Variants in WWOX observed in about 807,000 individuals in gnomAD.
WWOX encodes the protein WW domain containing oxidoreductase.
A neutral mutation model predicts 46.2 loss-of-function variants in WWOX; 69 were observed. The ratio of observed to expected loss-of-function variants is 1.49; its 90% CI spans 1.23 to 1.82. The LOEUF is 1.82. WWOX is among the 40% of genes most tolerant of loss of function. The probability of loss-of-function intolerance (pLI) is 0.00; values close to 1 mark genes in which losing one functional copy is unlikely to be tolerated. For synonymous variants in WWOX, 359 were observed against 202.6 expected, an observed-to-expected ratio of 1.77 and a Z score of -6.56; for missense variants, 919 against 542.6, an observed-to-expected ratio of 1.69 and a Z score of -6.89.
intron 5 of WWOX, among the ~76,000 whole-genome samples, chr16:78,225,560 C>G (rs1186659846): frequency 6.6e-6 from 1 of 152,114 alleles, no homozygotes; most frequent in Non-Finnish European, 1.5e-5. Context: ...ATATGTCTTA[C>G]TGGTTGAACG....
At chr16:78,307,023 A>G (rs1312771803) in intron 5 of WWOX, among the ~76,000 whole-genome samples, 2 of 152,080 alleles carry the variant, frequency 1.3e-5, no homozygotes, top group Non-Finnish European at 1.5e-5. Flanking sequence ...TCTCCATTAT[A>G]TCTTTGTTAG....
intron 5 of WWOX, among the ~76,000 whole-genome samples, chr16:78,224,007 T>C (rs2151800340): frequency 6.6e-6 from 1 of 152,244 alleles, no homozygotes; most frequent in Admixed American, 6.5e-5. Context: ...ACTTTATCTT[T>C]CCTTCTTTTT....
chr16:78,802,940 A>C (rs1370007253), intron 8 of WWOX, among the ~76,000 whole-genome samples: 2 of 92,752 alleles, frequency 2.2e-5, no homozygotes, highest in Non-Finnish European at 4.3e-5. Flanking sequence ...AAAAAAAAAA[A>C]AACAACAAAC....
intron 8 of WWOX, among the ~76,000 whole-genome samples, chr16:78,595,380 G>A (rs967398454): frequency 5.3e-5 from 7 of 131,604 alleles, no homozygotes; most frequent in Admixed American, 1.7e-4. Context: ...AACCCTCCCC[G>A]CTGACAGCCA....
intron 8 of WWOX, among the ~76,000 whole-genome samples, chr16:79,012,588 G>A (rs2047333341): frequency 6.6e-6 from 1 of 152,138 alleles, no homozygotes; most frequent in South Asian, 2.1e-4. Context: ...ATCCACATAT[G>A]GCTGAGGGCT....
chr16:78,478,363 G>C (rs935459815), intron 8 of WWOX, among the ~76,000 whole-genome samples: 1 of 152,084 alleles, frequency 6.6e-6, no homozygotes, highest in Non-Finnish European at 1.5e-5. Flanking sequence ...AAATAACTGA[G>C]CTCATTTGAT....
intron 8 of WWOX, among the ~76,000 whole-genome samples, chr16:78,892,719 T>A (rs11647676): frequency 0.36 from 54,421 of 152,130 alleles, 10,720 homozygotes; most frequent in Non-Finnish European, 0.44. Context: ...ATTGTGATAC[T>A]ATAGGAGCCG....
chr16:78,316,187 A>C lies in WWOX; in HGVS notation c.517-70673A>C, dbSNP rs138329340. Reference sequence around the variant, plus strand: ...CTTGAACCTGGGAGGTGGAGGTTGCATTCAGTCGAGACCATGCTAGTGTAC... The same window carrying C: ...CTTGAACCTGGGAGGTGGAGGTTGCCTTCAGTCGAGACCATGCTAGTGTAC... On this transcript the variant is annotated intron_variant, in intron 5 of 8. Transcript: ENST00000566780. Among the ~76,000 whole-genome samples the C allele has an allele frequency of 8.1e-4, 123 of 152,138 alleles. 1 individual carries two copies. Among genetic ancestry groups the C allele is most frequent in the Middle Eastern group, 3.4e-3 (1 of 294 alleles).
intron 8 of WWOX, among the ~76,000 whole-genome samples, chr16:79,186,216 G>T (rs896412146): frequency 1.3e-5 from 2 of 152,198 alleles, no homozygotes; most frequent in African/African-American, 4.8e-5. Flanking sequence ...GAATAATTCA[G>T]TGTGTGCTTC....
intron 8 of WWOX, among the ~76,000 whole-genome samples, chr16:78,774,531 T>TGTGTGTGC (rs1021809877): frequency 1.5e-4 from 22 of 144,250 alleles, no homozygotes; most frequent in African/African-American, 5.9e-4. Flanking sequence ...TGTGTGTGTG[T>TGTGTGTGC]GCGCGTGCGC....
chr16:78,396,576 C>T (rs571455609), intron 6 of WWOX, among the ~76,000 whole-genome samples: 1 of 152,194 alleles, frequency 6.6e-6, no homozygotes, highest in African/African-American at 2.4e-5. Context: ...CCACTCCTCA[C>T]AATCCCACCA....
intron 8 of WWOX, among the ~76,000 whole-genome samples, chr16:78,812,878 C>T (rs548818182): frequency 7.4e-4 from 113 of 152,318 alleles, no homozygotes; most frequent in Middle Eastern, 3.4e-3. Flanking sequence ...TATCATTTCA[C>T]ATCTTCTTAA....
intron 8 of WWOX, among the ~76,000 whole-genome samples, chr16:78,736,192 T>C (rs1027261132): frequency 6.6e-6 from 1 of 152,156 alleles, no homozygotes; most frequent in Non-Finnish European, 1.5e-5. Context: ...AGGTTTATCC[T>C]TGGGGGGCTC....
chr16:78,658,085 C>T (rs78809101), intron 8 of WWOX, among the ~76,000 whole-genome samples: 8,844 of 152,070 alleles, frequency 0.058, 330 homozygotes, highest in South Asian at 0.16. Context: ...AGACATTAAG[C>T]AACATCACTG....
intron 8 of WWOX, among the ~76,000 whole-genome samples, chr16:79,153,210 G>A (rs2050315275): frequency 6.6e-6 from 1 of 152,162 alleles, no homozygotes; most frequent in Non-Finnish European, 1.5e-5. Flanking sequence ...TTCAGGCCCA[G>A]CGTAGTGGCT....
At chr16:78,453,422 C>CAA (rs112120810) in intron 8 of WWOX, among the ~76,000 whole-genome samples, 15 of 107,210 alleles carry the variant, frequency 1.4e-4, no homozygotes, top group South Asian at 8.4e-4. Flanking sequence ...GACTATGTCT[C>CAA]AAAAAAAAAA....
At chr16:78,407,246 G>A (rs991030290) in intron 6 of WWOX, among the ~76,000 whole-genome samples, 12 of 152,114 alleles carry the variant, frequency 7.9e-5, no homozygotes, top group Non-Finnish European at 1.3e-4. Flanking sequence ...TGGGTCCTTG[G>A]GCCCTTTCTA....
intron 8 of WWOX, among the ~76,000 whole-genome samples, chr16:78,858,595 T>A (rs2151188427): frequency 6.6e-6 from 1 of 152,198 alleles, no homozygotes; most frequent in South Asian, 2.1e-4. Context: ...GCACGGAGTG[T>A]GGCTTAGGAG....
chr16:78,536,654 C>T (rs990064523), intron 8 of WWOX, among the ~76,000 whole-genome samples: 2 of 152,090 alleles, frequency 1.3e-5, no homozygotes, highest in African/African-American at 4.8e-5. Flanking sequence ...GAAAGCTGAG[C>T]ATGGGATTGT....
Sources: allele counts gnomAD v4.1 joint callset (sites outside exome capture counted in the v4.1 genomes callset), GRCh38; gene constraint gnomAD v4.1.1; transcripts MANE v1.5; gene names NCBI Gene and HGNC (gene_info 2026-07-23, HGNC 2026-07-21).